The following SYMPK variants were observed in gnomAD, a reference collection of about 807,000 sequenced individuals.
SYMPK encodes the protein symplekin scaffold protein.
Under a neutral mutation model 136.4 loss-of-function variants are expected in SYMPK, and 49 were observed. That is an observed-to-expected ratio of 0.36 (90% CI 0.29 to 0.46). The LOEUF is 0.46. SYMPK is among the 20% of genes least tolerant of loss of function. SYMPK has a pLI of 1.00. For synonymous variants in SYMPK, 766 were observed against 713.0 expected (o/e 1.07, Z -1.19); for missense variants, 1,365 against 1,690.0 (o/e 0.81, Z 3.37).
intron 12 of SYMPK, 21 bp from the exon 13 acceptor site, chr19:45,830,225 A>G: frequency 6.2e-7 from 1 of 1,604,482 alleles, no homozygotes; most frequent in East Asian, 2.2e-5. Context: ...GAGCAGTGAC[A>G]GAGATGCAGT....
chr19:45,815,859 G>A lies in SYMPK; in HGVS notation c.3679C>T (p.Leu1227=), dbSNP rs747448624. Residue 1227 remains leucine (L), a synonymous_variant, in exon 26 of 27, where the codon CTA becomes TTA. Coordinates refer to ENST00000245934, the MANE Select transcript of SYMPK (RefSeq NM_004819.3). ...GAGGCTGCTCTCCCTACCTTGGGTAGGGGGCCCTCGAGACTAGAGTCCAAC... is the reference window on the plus strand; with the variant it reads ...GAGGCTGCTCTCCCTACCTTGGGTAAGGGGCCCTCGAGACTAGAGTCCAAC... The part of the protein sequence containing the change: ...ALLDSSLEGP[L]PKETAAGGLT... 6 of 1,611,514 alleles carry A rather than the reference G, an allele frequency of 3.7e-6. No individual in the cohort carries two copies. The highest frequency in any genetic ancestry group is 1.7e-5 in the Admixed American group (1 of 59,880).
chr19:45,854,879 C>CTTTTTTTTTT lies in SYMPK; in HGVS notation c.-12-382_-12-373dup, dbSNP rs35065812. 76 of 155,320 alleles carry CTTTTTTTTTT rather than the reference C, an allele frequency of 4.9e-4. 2 individuals are homozygous for CTTTTTTTTTT. The highest frequency in any genetic ancestry group is 9.7e-4 in the Admixed American group (15 of 15,480). 9.6% of individuals were successfully genotyped at this position (155,320 alleles called of 1,614,324 possible). A position where few individuals can be genotyped will look rare whatever the true frequency, so the allele number is the denominator to read the frequency against. ...TGGACTGGGCACCACAGCAAACTTTCTTTTTTTTTTTTTTTTGAGATGAAG... is the reference window on the plus strand; with the variant it reads ...TGGACTGGGCACCACAGCAAACTTTCTTTTTTTTTTTTTTTTTTTTTTTTTTGAGATGAAG... On this transcript the variant is annotated intron_variant, in intron 1 of 26. Transcript: ENST00000245934.
rs765720702 is a variant in SYMPK at position 45,828,960 on chromosome 19, G to C, written c.1985+10C>G. 6.2e-7 allele frequency: 1 copy of C among 1,612,986 alleles called. No individual in the cohort carries two copies. The highest frequency in any genetic ancestry group is 8.5e-7 in the Non-Finnish European group (1 of 1,179,094). On this transcript the variant is annotated intron_variant, in intron 14 of 26. Transcript: ENST00000245934. ...TCGGGGACAGGAGGGTGCAGGGTCAGCCCCCTCACCCATCCTTCTGGTCTG... is the reference window on the plus strand; with the variant it reads ...TCGGGGACAGGAGGGTGCAGGGTCACCCCCCTCACCCATCCTTCTGGTCTG...
chr19:45,848,653 A>G (rs1971622942), intron 6 of SYMPK, 97 bp downstream of exon 6: 1 of 1,539,090 alleles, frequency 6.5e-7, no homozygotes, highest in Non-Finnish European at 8.9e-7. Context: ...CTTGCCCATA[A>G]AGAGTATGCT....
At chr19:45,843,940 CTCA>C (rs1971501697) in intron 8 of SYMPK, 87 bp downstream of exon 8, 1 of 845,264 alleles carries the variant, frequency 1.2e-6, no homozygotes, top group South Asian at 2.9e-5. Context: ...GAGACTCTGT[CTCA>C]AAAAAAAAAA....
rs34863014 is a variant in SYMPK, at chr19:45,859,296, T to TAA, written c.-13+3760_-13+3761dup. On this transcript the variant is annotated intron_variant, in intron 1 of 26. Coordinates refer to ENST00000245934, the MANE Select transcript of SYMPK (RefSeq NM_004819.3). ...CTCACTACTGCACTTGACAAGTCTT[T>TAA]AAAAAAAAAAAAAAAAAAGGGCATG... is the stretch of plus-strand genomic sequence containing the variant. Among the ~76,000 whole-genome samples, 1,238 of 134,420 alleles carry TAA rather than the reference T, an allele frequency of 9.2e-3. 10 individuals carry two copies. The highest frequency in any genetic ancestry group is 0.045 in the Middle Eastern group (12 of 264). 88.2% of individuals were successfully genotyped at this position (134,420 alleles called of 152,430 possible).
At chr19:45,820,642 ATGGAGGGG>A (rs994009683) in intron 22 of SYMPK, 1 of 158,026 alleles carries the variant, frequency 6.3e-6, no homozygotes, top group African/African-American at 2.4e-5. Flanking sequence ...CTCAGGAGGG[ATGGAGGGG>A]TGGGCGCTCT....
chr19:45,853,493 C>A (rs1391212555), intron 3 of SYMPK, among the ~76,000 whole-genome samples: 1 of 152,060 alleles, frequency 6.6e-6, no homozygotes, highest in African/African-American at 2.4e-5. Context: ...CAAAAATTAG[C>A]CAGGCATGGT....
intron 9 of SYMPK, among the ~76,000 whole-genome samples, chr19:45,839,830 TCAAAA>T (rs147197355): frequency 6.7e-5 from 10 of 148,562 alleles, no homozygotes; most frequent in Non-Finnish European, 1.3e-4. Flanking sequence ...AGACTCTGTC[TCAAAA>T]CAAAACAAAA....
intron 23 of SYMPK, among the ~76,000 whole-genome samples, chr19:45,817,400 T>A (rs57927208): frequency 3.2e-4 from 47 of 148,520 alleles, no homozygotes; most frequent in African/African-American, 1.2e-3. Context: ...TCCTGCGGGG[T>A]TTGGTTTTTT....
chr19:45,825,333 T>C lies in SYMPK; in HGVS notation c.2330-2A>G. Reference sequence around the variant, plus strand: ...CCTCCGTCCAGGGTGCTGCCACCTCTGACAGGGCAGGAGCGGGCATCAGAT... The same window carrying C: ...CCTCCGTCCAGGGTGCTGCCACCTCCGACAGGGCAGGAGCGGGCATCAGAT... On this transcript the variant is annotated splice_acceptor_variant, in intron 17 of 26. Transcript: ENST00000245934. LOFTEE classifies it high-confidence loss of function. 1 of 1,613,296 alleles carries C rather than the reference T, an allele frequency of 6.2e-7. No individual in the cohort carries two copies. Among genetic ancestry groups the C allele is most frequent in the Non-Finnish European group, 8.5e-7 (1 of 1,179,554 alleles).
At chr19:45,823,711 G>A (rs750589989) in intron 19 of SYMPK, 56 bp downstream of exon 19, 51 of 1,499,796 alleles carry the variant, frequency 3.4e-5, no homozygotes, top group Admixed American at 1.4e-4. Context: ...CCCAGGGCCC[G>A]GGGAAGGCTA....
At chr19:45,843,410 T>A (rs988534027) in intron 8 of SYMPK, among the ~76,000 whole-genome samples, 2 of 152,104 alleles carry the variant, frequency 1.3e-5, no homozygotes, top group African/African-American at 4.8e-5. Flanking sequence ...TGTGTACCCA[T>A]CAACATTTCG....
chr19:45,844,274 T>C, intron 7 of SYMPK, 74 bp from the exon 8 acceptor site: 1 of 1,276,996 alleles, frequency 7.8e-7, no homozygotes, highest in Non-Finnish European at 1.1e-6. Context: ...CTTTTGGGAC[T>C]AAAAGGAAGG....
intron 7 of SYMPK, 84 bp from the exon 8 acceptor site, chr19:45,844,284 G>T (rs10420834): frequency 0.096 from 110,091 of 1,151,340 alleles, 5,575 homozygotes; most frequent in East Asian, 0.1. Flanking sequence ...TAAAAGGAAG[G>T]ACAGATCCTG....
chr19:45,815,714 G>A lies in SYMPK; in HGVS notation c.3688-17C>T, dbSNP rs752609470. On this transcript the variant is annotated splice_polypyrimidine_tract_variant and intron_variant, in intron 26 of 26. Coordinates refer to ENST00000245934, the MANE Select transcript of SYMPK (RefSeq NM_004819.3). ...TGCCGTCTCCTGGTGACCGGGGAAG[G>A]AAAGGGCAGCCGGGTGGAGGGCGCG... is the stretch of plus-strand genomic sequence containing the variant. 3.7e-6 allele frequency: 6 copies of A among 1,607,526 alleles called. No homozygotes were observed. Among genetic ancestry groups the A allele is most frequent in the Non-Finnish European group, 4.2e-6 (5 of 1,177,782 alleles).
intron 18 of SYMPK, 52 bp from the exon 19 acceptor site, chr19:45,823,927 G>C (rs7252416): frequency 0.85 from 1,282,885 of 1,516,482 alleles, 543,124 homozygotes; most frequent in African/African-American, 0.9. Context: ...TTAGGGGAGG[G>C]TCAGGTGTTG....
Position 45,829,168 on chromosome 19 carries a change from A to C in SYMPK, c.1787T>G (p.Phe596Cys). 6.2e-7 allele frequency: 1 copy of C among 1,614,074 alleles called. No homozygotes were observed. The highest frequency in any genetic ancestry group is 8.5e-7 in the Non-Finnish European group (1 of 1,179,994). ...GACCTCCGCCTTCAGGCCCGAGTTG[A>C]ACTGTGTCACCAGGCTGGCCAGGAT... The part of the protein sequence containing the change: ...IKILASLVTQ[F>C]NSGLKAEVLS... The change falls in exon 14 of 27, where the codon TTC becomes TGC. Residue 596 changes from phenylalanine (F) to cysteine (C), a missense_variant. Phe to Cys is a radical substitution (Grantham distance 205). Coordinates refer to ENST00000245934, the MANE Select transcript of SYMPK (RefSeq NM_004819.3).
At chr19:45,847,356 G>A (rs570658618) in intron 7 of SYMPK, among the ~76,000 whole-genome samples, 26 of 151,948 alleles carry the variant, frequency 1.7e-4, no homozygotes, top group Admixed American at 1.1e-3. Context: ...CCCGGAAGGC[G>A]GAGGTTGCAG....
Sources: allele counts gnomAD v4.1 joint callset (sites outside exome capture counted in the v4.1 genomes callset), GRCh38; gene constraint gnomAD v4.1.1; transcripts MANE v1.5; gene names NCBI Gene and HGNC (gene_info 2026-07-23, HGNC 2026-07-21).